ZBTB7C: variants seen among roughly 807,000 people sequenced by gnomAD.
The protein encoded by ZBTB7C is zinc finger and BTB domain-containing protein 7C.
ZBTB7C carries 8 observed loss-of-function variants against 25.7 expected under a neutral mutation model. The ratio of observed to expected loss-of-function variants is 0.31; its 90% CI spans 0.18 to 0.56. The LOEUF (loss-of-function observed/expected upper bound fraction) is 0.56. Ranked by LOEUF, ZBTB7C falls within the 20% of genes least tolerant of loss-of-function variation. ZBTB7C has a pLI of 0.91. For missense variants in ZBTB7C, 824 were observed against 855.2 expected (o/e 0.96, Z 0.46); for synonymous variants, 394 against 369.0 (o/e 1.07, Z -0.78).
intron 1 of ZBTB7C, among the ~76,000 whole-genome samples, chr18:48,385,925 C>T (rs1189957679): frequency 6.6e-6 from 1 of 152,108 alleles, no homozygotes; most frequent in Admixed American, 6.6e-5. Context: ...GGAGATTCTT[C>T]CCCCTCCCCA....
intron 3 of ZBTB7C, among the ~76,000 whole-genome samples, chr18:48,176,066 C>A (rs2041666843): frequency 6.6e-6 from 1 of 151,960 alleles, no homozygotes; most frequent in African/African-American, 2.4e-5. Context: ...CTTGCTAGTT[C>A]CAAGGGAGAA....
Position 48,202,054 on chromosome 18 carries a change from G to A in ZBTB7C, c.-78-16059C>T, listed in dbSNP as rs1393139138. On this transcript the variant is annotated intron_variant, in intron 2 of 4. Coordinates refer to ENST00000590800, the MANE Select transcript of ZBTB7C (RefSeq NM_001318841.2). The stretch of plus-strand genomic sequence containing the variant: ...TCCCACCTAGCTAAAAGCCACACGT[G>A]CAGGTCAGCGGAGAGCTGAGTGTTG... 3.3e-5 allele frequency among the ~76,000 whole-genome samples: 5 copies of A among 152,256 alleles called. No individual in the cohort carries two copies. In the East Asian group the frequency reaches 7.7e-4, roughly 23 times the overall value.
At chr18:48,294,087 G>A (rs1483867276) in intron 2 of ZBTB7C, among the ~76,000 whole-genome samples, 3 of 152,250 alleles carry the variant, frequency 2.0e-5, no homozygotes, top group Non-Finnish European at 1.5e-5. Context: ...CTGGGGAAGG[G>A]CAAGCAAGCT....
chr18:48,131,167 G>A (rs1184507277), intron 3 of ZBTB7C, among the ~76,000 whole-genome samples: 1 of 152,238 alleles, frequency 6.6e-6, no homozygotes, highest in African/African-American at 2.4e-5. Flanking sequence ...GCGTCCCAAA[G>A]TGCTGGGATT....
chr18:48,145,635 C>A (rs1047625266), intron 3 of ZBTB7C, among the ~76,000 whole-genome samples: 9 of 152,304 alleles, frequency 5.9e-5, no homozygotes, highest in African/African-American at 1.4e-4. Flanking sequence ...ATGACGAGAG[C>A]CAATGATGAT....
intron 1 of ZBTB7C, among the ~76,000 whole-genome samples, chr18:48,341,827 A>G (rs1053368671): frequency 1.3e-5 from 2 of 152,242 alleles, no homozygotes; most frequent in African/African-American, 4.8e-5. Flanking sequence ...GGTGACATCC[A>G]GGGCCACATT....
At chr18:48,126,885 C>T (rs943577350) in intron 3 of ZBTB7C, among the ~76,000 whole-genome samples, 4 of 152,050 alleles carry the variant, frequency 2.6e-5, no homozygotes, top group South Asian at 2.1e-4. Context: ...TGACCATCTG[C>T]AGCCTTAGGG....
chr18:48,206,217 G>A (rs2042573127), intron 2 of ZBTB7C, among the ~76,000 whole-genome samples: 1 of 152,198 alleles, frequency 6.6e-6, no homozygotes, highest in Admixed American at 6.5e-5. Flanking sequence ...GTAGTAAGCA[G>A]AGTGGTATGG....
At chr18:48,041,315 T>C in intron 3 of ZBTB7C, 192 bp from the exon 4 acceptor site, 10 of 985,428 alleles carry the variant, frequency 1.0e-5, no homozygotes, top group Non-Finnish European at 1.2e-5. Flanking sequence ...GGCTTTTCTC[T>C]GGACCCCTAA....
intron 1 of ZBTB7C, among the ~76,000 whole-genome samples, chr18:48,373,919 C>G (rs1344397286): frequency 6.6e-6 from 1 of 151,610 alleles, no homozygotes; most frequent in African/African-American, 2.4e-5. Context: ...TGAGATCGCG[C>G]CACTGCACTC....
chr18:48,075,347 C>T (rs2037721508), intron 3 of ZBTB7C, among the ~76,000 whole-genome samples: 1 of 152,168 alleles, frequency 6.6e-6, no homozygotes, highest in South Asian at 2.1e-4. Flanking sequence ...TCATTCTTAT[C>T]CAAAGAGGCT....
rs1328717615 is a variant in ZBTB7C, at chr18:48,346,932, G to A, written c.-303-8534C>T. On this transcript the variant is annotated intron_variant, in intron 1 of 4. Transcript: ENST00000590800. ...TCTGAGTAGCTGGGATTACAGGCAC[G>A]CGCCACCACACCTGGCTAATTTTTG... 2.0e-5 allele frequency among the ~76,000 whole-genome samples: 3 copies of A among 151,666 alleles called. No homozygotes were observed. In the East Asian group the frequency reaches 5.8e-4, roughly 29 times the overall value.
At chr18:48,404,733 G>A (rs1405358507) in intron 1 of ZBTB7C, among the ~76,000 whole-genome samples, 1 of 152,186 alleles carries the variant, frequency 6.6e-6, no homozygotes, top group African/African-American at 2.4e-5. Flanking sequence ...CCCCTTCACA[G>A]TGCCATGGAG....
At chr18:48,193,752 G>A (rs995078139) in intron 2 of ZBTB7C, among the ~76,000 whole-genome samples, 14 of 152,242 alleles carry the variant, frequency 9.2e-5, no homozygotes, top group African/African-American at 2.7e-4. Flanking sequence ...TGGCAGGCGC[G>A]TGGAGTCATC....
At chr18:48,170,338 G>A (rs1191535546) in intron 3 of ZBTB7C, among the ~76,000 whole-genome samples, 1 of 152,232 alleles carries the variant, frequency 6.6e-6, no homozygotes, top group Non-Finnish European at 1.5e-5. Flanking sequence ...ATCTGGACCT[G>A]AACAGGGACT....
At chr18:48,234,250 A>G (rs1338717003) in intron 2 of ZBTB7C, among the ~76,000 whole-genome samples, 1 of 152,132 alleles carries the variant, frequency 6.6e-6, no homozygotes, top group African/African-American at 2.4e-5. Flanking sequence ...ATACTATACC[A>G]TATTCATAGT....
chr18:48,209,865 T>C (rs187157945), intron 2 of ZBTB7C, among the ~76,000 whole-genome samples: 341 of 152,124 alleles, frequency 2.2e-3, no homozygotes, highest in Non-Finnish European at 3.3e-3. Context: ...ATGGACACCA[T>C]CAATAAAGTG....
chr18:48,106,263 C>T (rs1027128592), intron 3 of ZBTB7C, among the ~76,000 whole-genome samples: 1 of 152,086 alleles, frequency 6.6e-6, no homozygotes, highest in Non-Finnish European at 1.5e-5. Context: ...TCAGCAAGCC[C>T]CTGACAAGCT....
At chr18:48,181,676 G>A (rs537055093) in intron 3 of ZBTB7C, among the ~76,000 whole-genome samples, 32 of 152,216 alleles carry the variant, frequency 2.1e-4, no homozygotes, top group African/African-American at 6.3e-4. Flanking sequence ...CCAAAACTAG[G>A]ACCTCGTCCA....
Sources: allele counts gnomAD v4.1 joint callset (sites outside exome capture counted in the v4.1 genomes callset), GRCh38; gene constraint gnomAD v4.1.1; transcripts MANE v1.5; gene names NCBI Gene and HGNC (gene_info 2026-07-23, HGNC 2026-07-21).